Variants in GRK4 observed in about 807,000 individuals in gnomAD.
GRK4 encodes the protein G protein-coupled receptor kinase 2-like.
In GRK4, 73 loss-of-function variants were observed where a neutral mutation model predicts 77.9. The observed-to-expected ratio is 0.94, with a 90% CI of 0.78 to 1.14. The LOEUF (loss-of-function observed/expected upper bound fraction) is 1.14, where lower values mean the gene tolerates loss of function less well. Ranked by LOEUF, GRK4 falls within the 50% of genes most tolerant of loss-of-function variation. GRK4 has a pLI of 0.00. For synonymous variants in GRK4, 257 were observed against 254.4 expected (o/e 1.01, Z -0.10); for missense variants, 729 against 700.2 (o/e 1.04, Z -0.46).
At chr4:3,018,152 C>T (rs1192203297) in intron 8 of GRK4, among the ~76,000 whole-genome samples, 1 of 151,128 alleles carries the variant, frequency 6.6e-6, no homozygotes, top group Non-Finnish European at 1.5e-5. Context: ...ATCAAGTGAT[C>T]CTCCTACCTA....
At chr4:2,965,455 T>C in intron 1 of GRK4, 1 of 703,060 alleles carries the variant, frequency 1.4e-6, no homozygotes, top group Non-Finnish European at 2.6e-6. Flanking sequence ...ATTTCCTCTA[T>C]TTCCTTGCGT....
At position 3,019,765 on chromosome 4, in the gene GRK4, C is replaced by T; in HGVS notation, c.866C>T (p.Ala289Val). The T allele has an allele frequency of 6.2e-7, 1 of 1,614,094 alleles. No homozygotes were observed. ...AATCCCGGCTTTGATGAGCAGAGAG[C>T]CGTTTTCTATGCTGCAGAGCTGTGT... is the stretch of plus-strand genomic sequence containing the variant. The part of the protein sequence containing the change: ...LGNPGFDEQR[A>V]VFYAAELCCG... The change falls in exon 9 of 16, where the codon GCC becomes GTC. Residue 289 changes from alanine to valine, a missense_variant. Ala to Val is a moderately conservative substitution (Grantham distance 64). Transcript: ENST00000398052.
intron 4 of GRK4, among the ~76,000 whole-genome samples, chr4:2,994,895 C>A (rs1295315471): frequency 2.0e-5 from 3 of 152,132 alleles, no homozygotes; most frequent in Non-Finnish European, 4.4e-5. Flanking sequence ...TTAAGCTTAG[C>A]ACCCTTTAGT....
chr4:3,035,741 T>C (rs574627762), intron 13 of GRK4, among the ~76,000 whole-genome samples: 1 of 152,080 alleles, frequency 6.6e-6, no homozygotes, highest in African/African-American at 2.4e-5. Flanking sequence ...GTTTTTTGTT[T>C]TTTTTTGTTT....
chr4:3,001,667 G>A (rs1340842858), intron 4 of GRK4, among the ~76,000 whole-genome samples: 2 of 152,010 alleles, frequency 1.3e-5, no homozygotes, highest in South Asian at 2.1e-4. Context: ...ACGCCCGCCC[G>A]AGACCATAGT....
In GRK4 at chr4:2,996,813, A is replaced by G. The variant is rs186969066; in HGVS notation, c.339+4521A>G. 3.0e-3 allele frequency among the ~76,000 whole-genome samples: 461 copies of G among 152,216 alleles called. 4 individuals are homozygous for G. Among genetic ancestry groups the G allele is most frequent in the African/African-American group, 0.01 (422 of 41,520 alleles). ...CCCTGCTCTTGTGCTTTACTGAAAC[A>G]AAAAACAAACAAATAAAAAGCAATG... is the stretch of plus-strand genomic sequence containing the variant. On this transcript the variant is annotated intron_variant, in intron 4 of 15. Coordinates refer to ENST00000398052, the MANE Select transcript of GRK4 (RefSeq NM_182982.3).
chr4:3,007,658 C>A, intron 5 of GRK4, 78 bp from the exon 6 acceptor site: 1 of 797,730 alleles, frequency 1.3e-6, no homozygotes, highest in Non-Finnish European at 2.0e-6. Flanking sequence ...TATTCAGTGC[C>A]TATTAATGCA....
intron 4 of GRK4, among the ~76,000 whole-genome samples, chr4:3,001,267 G>GTGTATGTA (rs35570856): frequency 1.3e-4 from 9 of 68,022 alleles, no homozygotes; most frequent in Non-Finnish European, 2.4e-4. Context: ...ATATATATGT[G>GTGTATGTA]TGTATGTATG....
chr4:3,000,247 C>T (rs1032776967), intron 4 of GRK4, among the ~76,000 whole-genome samples: 6 of 152,168 alleles, frequency 3.9e-5, no homozygotes, highest in African/African-American at 1.4e-4. Flanking sequence ...CTCCCTCTCT[C>T]TCATGGATAT....
At chr4:2,997,719 C>T (rs1194316719) in intron 4 of GRK4, among the ~76,000 whole-genome samples, 1 of 151,266 alleles carries the variant, frequency 6.6e-6, no homozygotes, top group African/African-American at 2.4e-5. Context: ...GCCAGCCTGG[C>T]CAGCATGGTG....
Position 3,014,687 on chromosome 4 carries a change from C to T in GRK4, c.741+859C>T, listed in dbSNP as rs76914809. 9.3e-3 allele frequency among the ~76,000 whole-genome samples: 1,414 copies of T among 152,162 alleles called. 19 individuals carry two copies. The highest frequency in any genetic ancestry group is 0.033 in the African/African-American group (1,363 of 41,530). On this transcript the variant is annotated intron_variant, in intron 8 of 15. Coordinates refer to ENST00000398052, the MANE Select transcript of GRK4 (RefSeq NM_182982.3). ...TGGCGCGTGCCTGTAGTCCCAGCTA[C>T]TTGGGATGCTGGTGCAGGAGAATCA...
At chr4:3,037,316 G>C in intron 13 of GRK4, 58 bp from the exon 14 acceptor site, 6 of 1,499,722 alleles carry the variant, frequency 4.0e-6, no homozygotes, top group Non-Finnish European at 5.4e-6. Context: ...CTTGGGAACT[G>C]AGGGAGCTGA....
At chr4:3,035,586 T>C (rs1578412001) in intron 13 of GRK4, 63 bp downstream of exon 13, 1 of 1,518,186 alleles carries the variant, frequency 6.6e-7, no homozygotes, top group East Asian at 2.3e-5. Context: ...ACGGTTTTTC[T>C]CTTTCTTTTT....
chr4:3,007,732 C>G lies in GRK4; in HGVS notation c.444-4C>G, dbSNP rs1285204614. The G allele has an allele frequency of 6.4e-7, 1 of 1,560,382 alleles. No individual in the cohort carries two copies. On this transcript the variant is annotated splice_polypyrimidine_tract_variant and splice_region_variant and intron_variant, in intron 5 of 15. Coordinates refer to ENST00000398052, the MANE Select transcript of GRK4 (RefSeq NM_182982.3). ...GTATATAATTTTAAAAAATCTTTTTCTAGAGTTGCCCATAACTACCTAAGA... is the reference window on the plus strand; with the variant it reads ...GTATATAATTTTAAAAAATCTTTTTGTAGAGTTGCCCATAACTACCTAAGA...
At chr4:2,997,945 C>A (rs913643681) in intron 4 of GRK4, among the ~76,000 whole-genome samples, 2 of 151,146 alleles carry the variant, frequency 1.3e-5, no homozygotes, top group African/African-American at 4.9e-5. Flanking sequence ...TATATGCTTT[C>A]CTTTAAGATT....
chr4:3,025,558 T>G (rs1423607004), intron 10 of GRK4, among the ~76,000 whole-genome samples: 1 of 150,976 alleles, frequency 6.6e-6, no homozygotes, highest in African/African-American at 2.4e-5. Context: ...CCCGGCTAAT[T>G]TTTTATATTT....
chr4:3,025,414 G>A (rs1376489333), intron 10 of GRK4, among the ~76,000 whole-genome samples: 4 of 140,442 alleles, frequency 2.8e-5, no homozygotes, highest in Non-Finnish European at 6.1e-5. Context: ...TTTTGAGACG[G>A]AGTCTTGCTC....
chr4:3,013,930 A>T, intron 8 of GRK4, 102 bp downstream of exon 8: 3 of 1,295,560 alleles, frequency 2.3e-6, no homozygotes, highest in Non-Finnish European at 3.1e-6. Flanking sequence ...CGTGGAAGTC[A>T]TTTCTTGTTT....
Position 2,963,635 on chromosome 4 carries a change from G to T in GRK4, c.-436G>T, listed in dbSNP as rs1577872565. On this transcript the variant is annotated 5_prime_UTR_variant, in exon 1 of 16. Transcript: ENST00000398052. Reference sequence around the variant, plus strand: ...CAGCTAAGCCGTTAGCGCCGAGCCCGCCCGGGAGCGGGTCGCCGGCCGCGG... The same window carrying T: ...CAGCTAAGCCGTTAGCGCCGAGCCCTCCCGGGAGCGGGTCGCCGGCCGCGG... 8 of 382,072 alleles carry T rather than the reference G, an allele frequency of 2.1e-5. No individual in the cohort carries two copies. The South Asian group carries it at 4.4e-4, about 21-fold the overall frequency. 23.7% of individuals were successfully genotyped at this position (382,072 alleles called of 1,614,324 possible).
Sources: allele counts gnomAD v4.1 joint callset (sites outside exome capture counted in the v4.1 genomes callset), GRCh38; gene constraint gnomAD v4.1.1; transcripts MANE v1.5; gene names NCBI Gene and HGNC (gene_info 2026-07-23, HGNC 2026-07-21).